Variants in DMD observed in about 807,000 individuals in gnomAD.
The protein encoded by DMD is dystrophin, also known as mutant dystrophin.
In DMD, 63 loss-of-function variants were observed where a neutral mutation model predicts 330.1. The ratio of observed to expected loss-of-function variants is 0.19; its 90% confidence interval spans 0.16 to 0.24. DMD has a LOEUF of 0.24. DMD is among the 10% of genes least tolerant of loss of function. The probability of loss-of-function intolerance (pLI) is 1.00; values close to 1 mark genes in which losing one functional copy is unlikely to be tolerated. For missense variants in DMD, 3,344 were observed against 2,684.1 expected, an observed-to-expected ratio of 1.25 and a Z score of -5.43; for synonymous variants, 1,223 against 959.8, an observed-to-expected ratio of 1.27 and a Z score of -5.07.
chrX:32,166,748 A>G lies in DMD; in HGVS notation c.6438+50168T>C, dbSNP rs963145855. 4.5e-5 allele frequency among the ~76,000 whole-genome samples: 5 copies of G among 111,702 alleles called. No homozygotes were observed. The Admixed American group carries it at 4.8e-4, about 11-fold the overall frequency. On this transcript the variant is annotated intron_variant, in intron 44 of 78. Transcript: ENST00000357033. ...GGTAAAGCTAGTAGAAGGAACAGTC[A>G]TGCAGATTGGCTTAATAGGAAATAC...
chrX:32,653,028 G>A (rs1013954332), intron 9 of DMD, among the ~76,000 whole-genome samples: 7 of 111,045 alleles, frequency 6.3e-5, no homozygotes, highest in Non-Finnish European at 1.3e-4. Context: ...TTGTAAATTT[G>A]TTTGACTTCT....
chrX:31,671,062 G>C lies in DMD; in HGVS notation c.7872+8313C>G, dbSNP rs1439264936. Among the ~76,000 whole-genome samples the C allele has an allele frequency of 2.7e-5, 3 of 111,142 alleles. No homozygotes were observed. In the South Asian group the frequency reaches 1.1e-3, roughly 42 times the overall value. ...TGAGTAGCTGGGACTACAGGCGCCC[G>C]CCACCGTGCCCAGCTAATTTTTTGT... On this transcript the variant is annotated intron_variant, in intron 53 of 78. Coordinates refer to ENST00000357033, the MANE Select transcript of DMD (RefSeq NM_004006.3).
rs200413991 is a variant in DMD, at chrX:33,208,913, G to C, written c.31+2369C>G. On this transcript the variant is annotated intron_variant, in intron 1 of 78. Transcript: ENST00000357033. ...TAAAATAGAATTTTGAAAAACACCT[G>C]ATGTTTCCAAGACAATGATTTTAAT... Among the ~76,000 whole-genome samples the C allele has an allele frequency of 8.1e-5, 9 of 111,250 alleles. No homozygotes were observed. In the East Asian group the frequency reaches 2.5e-3, roughly 31 times the overall value.
At chrX:33,009,406 G>GTATATACACATGTGTGTATATGTA (rs2093550514) in intron 2 of DMD, among the ~76,000 whole-genome samples, 1 of 88,569 alleles carries the variant, frequency 1.1e-5, no homozygotes, top group Non-Finnish European at 2.2e-5. Context: ...GTGTATATGT[G>GTATATACACATGTGTGTATATGTA]TATATACACA....
At chrX:32,736,788 G>T (rs1208763975) in intron 7 of DMD, among the ~76,000 whole-genome samples, 5 of 97,651 alleles carry the variant, frequency 5.1e-5, no homozygotes, top group African/African-American at 2.0e-4. Context: ...AGGGGGTAGG[G>T]ATAGCACTGG....
intron 17 of DMD, among the ~76,000 whole-genome samples, chrX:32,521,626 G>A (rs1026602798): frequency 7.1e-5 from 8 of 112,063 alleles, no homozygotes; most frequent in Non-Finnish European, 1.1e-4. Flanking sequence ...ATAACCATCT[G>A]CCTATTGGAT....
Position 31,842,968 on chromosome X carries a change from G to C in DMD, c.7099-6149C>G, listed in dbSNP as rs2093346096. ...AGGCCCACTTATAAGTGAGAACAAA[G>C]TGGTATTTGGTTTTCTGTTCCTACT... On this transcript the variant is annotated intron_variant, in intron 48 of 78. Transcript: ENST00000357033. Among the ~76,000 whole-genome samples, 3 of 111,857 alleles carry C rather than the reference G, an allele frequency of 2.7e-5. No homozygotes were observed. In the Admixed American group the frequency reaches 2.9e-4, roughly 11 times the overall value.
chrX:32,909,423 G>T (rs1248645544), intron 2 of DMD, among the ~76,000 whole-genome samples: 1 of 111,518 alleles, frequency 9.0e-6, no homozygotes, highest in Admixed American at 9.6e-5. Context: ...TTCCGTGGGG[G>T]TAATGAGGAG....
chrX:31,908,993 C>A (rs2094513417), intron 47 of DMD, among the ~76,000 whole-genome samples: 1 of 112,309 alleles, frequency 8.9e-6, no homozygotes, highest in Non-Finnish European at 1.9e-5. Flanking sequence ...ACACCTCATA[C>A]ATTTTTTCCT....
At chrX:31,643,652 C>T (rs762308524) in intron 54 of DMD, among the ~76,000 whole-genome samples, 2 of 111,723 alleles carry the variant, frequency 1.8e-5, no homozygotes, top group Admixed American at 9.5e-5. Context: ...AAAAGTAGTT[C>T]TATGAAGAAT....
chrX:31,396,781 A>T (rs1004490632), intron 60 of DMD, among the ~76,000 whole-genome samples: 1 of 111,639 alleles, frequency 9.0e-6, no homozygotes, highest in Non-Finnish European at 1.9e-5. Flanking sequence ...AAGGAAAATC[A>T]TTCAAAAACT....
At chrX:31,212,146 T>TTATATATATATATA (rs375944446) in intron 64 of DMD, among the ~76,000 whole-genome samples, 4 of 91,762 alleles carry the variant, frequency 4.4e-5, no homozygotes, top group African/African-American at 1.3e-4. Context: ...ATTAAATATA[T>TTATATATATATATA]TATATATATA....
chrX:32,715,469 CAA>C (rs61325834), intron 7 of DMD, among the ~76,000 whole-genome samples: 1,076 of 17,105 alleles, frequency 0.063, 32 homozygotes, highest in African/African-American at 0.17. Context: ...GAGATTCCAT[CAA>C]AAAAAAAAAA....
chrX:32,020,381 C>T (rs1038677136), intron 44 of DMD, among the ~76,000 whole-genome samples: 3 of 112,433 alleles, frequency 2.7e-5, no homozygotes, highest in Non-Finnish European at 5.6e-5. Flanking sequence ...TAAAGACCAT[C>T]TTCAGAATAT....
intron 50 of DMD, among the ~76,000 whole-genome samples, chrX:31,814,242 A>G (rs1471176): frequency 0.27 from 29,314 of 107,499 alleles, 3,058 homozygotes; most frequent in African/African-American, 0.33. Flanking sequence ...AGCACTTTGG[A>G]AGGCCGAGGC....
chrX:33,058,033 C>T (rs969352731), intron 1 of DMD, among the ~76,000 whole-genome samples: 3 of 110,236 alleles, frequency 2.7e-5, no homozygotes, highest in Admixed American at 2.0e-4. Flanking sequence ...CGCCTGCCAC[C>T]ACACACGGCT....
intron 60 of DMD, among the ~76,000 whole-genome samples, chrX:31,369,056 A>G (rs1190617223): frequency 1.8e-5 from 2 of 111,960 alleles, no homozygotes; most frequent in African/African-American, 6.5e-5. Flanking sequence ...AAATGTGAAT[A>G]CCATTAAAAA....
At chrX:32,819,318 A>C (rs1296266755) in intron 5 of DMD, among the ~76,000 whole-genome samples, 1 of 110,709 alleles carries the variant, frequency 9.0e-6, no homozygotes, top group Non-Finnish European at 1.9e-5. Context: ...GAACATTCTA[A>C]AGTGAATTAG....
intron 44 of DMD, among the ~76,000 whole-genome samples, chrX:32,206,973 A>G (rs1344304458): frequency 1.8e-5 from 2 of 111,689 alleles, no homozygotes; most frequent in East Asian, 5.6e-4. Context: ...ATGCTAGGAC[A>G]TAGTAGTAGC....
Sources: gnomAD v4.1 joint callset for allele counts (sites outside exome capture counted in the v4.1 genomes callset) on GRCh38, gnomAD v4.1.1 for gene constraint, MANE v1.5 for transcripts, NCBI Gene and HGNC (gene_info 2026-07-23, HGNC 2026-07-21) for gene names.